The following TMEM232 variants were observed in gnomAD, a reference collection of about 807,000 sequenced individuals.
TMEM232 encodes transmembrane protein 232.
A neutral mutation model predicts 78.8 loss-of-function variants in TMEM232; 80 were observed. The observed-to-expected ratio is 1.01, with a 90% CI of 0.85 to 1.22. The LOEUF (loss-of-function observed/expected upper bound fraction) is 1.22, where lower values mean the gene tolerates loss of function less well. Ranked by LOEUF, TMEM232 falls within the 50% of genes most tolerant of loss-of-function variation. TMEM232 has a pLI of 0.00. For synonymous variants in TMEM232, 297 were observed against 254.3 expected (o/e 1.17, Z -1.60); for missense variants, 881 against 742.2 (o/e 1.19, Z -2.17).
Position 110,516,867 on chromosome 5 carries a change from G to C in TMEM232, c.1703+11721C>G, listed in dbSNP as rs566216870. 1.1e-3 allele frequency among the ~76,000 whole-genome samples: 172 copies of C among 152,250 alleles called. 1 individual carries two copies. Among genetic ancestry groups the C allele is most frequent in the African/African-American group, 4.0e-3 (168 of 41,544 alleles). ...TTTTGGAAAAAATTATGGGTCATAA[G>C]ATGTAGCAGATACTTCATTAACAAG... On this transcript the variant is annotated intron_variant, in intron 12 of 13. Coordinates refer to ENST00000455884, the MANE Select transcript of TMEM232 (RefSeq NM_001039763.4).
intron 12 of TMEM232, among the ~76,000 whole-genome samples, chr5:110,453,859 T>C (rs1295268658): frequency 6.7e-6 from 1 of 149,702 alleles, no homozygotes; most frequent in Non-Finnish European, 1.5e-5. Flanking sequence ...TTATAAGACA[T>C]CAGCACCACA....
intron 2 of TMEM232, among the ~76,000 whole-genome samples, chr5:110,644,317 T>C (rs932474424): frequency 6.6e-6 from 1 of 151,924 alleles, no homozygotes; most frequent in Non-Finnish European, 1.5e-5. Context: ...CTCATTTGTA[T>C]GAAGAGTTTG....
At chr5:110,577,396 G>A (rs1305249953) in intron 10 of TMEM232, among the ~76,000 whole-genome samples, 1 of 152,092 alleles carries the variant, frequency 6.6e-6, no homozygotes. Context: ...AAGTTGTGGA[G>A]GAAAAGAAAT....
intron 5 of TMEM232, among the ~76,000 whole-genome samples, chr5:110,631,963 C>T (rs1785187129): frequency 6.6e-6 from 1 of 151,870 alleles, no homozygotes; most frequent in Admixed American, 6.6e-5. Flanking sequence ...CCTGCTAATA[C>T]CAGAGCAAGT....
chr5:110,426,951 G>C (rs1031742756), intron 12 of TMEM232, among the ~76,000 whole-genome samples: 1 of 151,936 alleles, frequency 6.6e-6, no homozygotes, highest in African/African-American at 2.4e-5. Flanking sequence ...AATTGTTTAA[G>C]TTTTAAAAAA....
At chr5:110,734,951 C>T (rs960176612) in exon 2 of TMEM232, 1 of 152,100 alleles carries the variant, frequency 6.6e-6, no homozygotes, top group African/African-American at 2.4e-5. Context: ...CTTTGGGAGA[C>T]CGAGGTGGGC....
chr5:110,587,683 ATATATATATGTGTG>A (rs1361233480), intron 10 of TMEM232, among the ~76,000 whole-genome samples: 35 of 92,004 alleles, frequency 3.8e-4, no homozygotes, highest in African/African-American at 1.7e-3. Flanking sequence ...ATATATATAT[ATATATATATGTGTG>A]TGTGTGTGTG....
intron 12 of TMEM232, among the ~76,000 whole-genome samples, chr5:110,512,675 T>A (rs941830060): frequency 5.3e-5 from 8 of 152,208 alleles, no homozygotes; most frequent in African/African-American, 1.9e-4. Flanking sequence ...AGTTAATGCA[T>A]GTTTATTAAC....
intron 2 of TMEM232, among the ~76,000 whole-genome samples, chr5:110,662,603 T>C (rs571766043): frequency 6.6e-6 from 1 of 152,110 alleles, no homozygotes; most frequent in East Asian, 1.9e-4. Flanking sequence ...CAAACCATAG[T>C]AATTAAGGCA....
chr5:110,605,339 T>C lies in TMEM232; in HGVS notation c.1046A>G (p.Asp349Gly), dbSNP rs1207735370. The change falls in exon 10 of 14, where the codon GAT becomes GGT. Residue 349 changes from aspartate (D) to glycine (G), a missense_variant. Physicochemically the swap from Asp to Gly is moderately conservative, Grantham distance 94. Coordinates refer to ENST00000455884, the MANE Select transcript of TMEM232 (RefSeq NM_001039763.4). ...TACATTCCAGGCCCAGGAAAAATCA[T>C]CTACCTTGCAACTTTCTTCCTGAAA... ...VQNQEESCKVDDFSWAWNVVY... is the reference protein window; with the variant it reads ...VQNQEESCKVGDFSWAWNVVY... The C allele has an allele frequency of 3.9e-6, 6 of 1,543,748 alleles. No individual in the cohort carries two copies. Among genetic ancestry groups the C allele is most frequent in the Admixed American group, 4.0e-5 (2 of 49,618 alleles).
chr5:110,463,086 G>A (rs1377161205), intron 12 of TMEM232, among the ~76,000 whole-genome samples: 1 of 152,078 alleles, frequency 6.6e-6, no homozygotes, highest in African/African-American at 2.4e-5. Context: ...TTCTACCATG[G>A]GTCAAATGCT....
intron 1 of TMEM232, among the ~76,000 whole-genome samples, chr5:110,721,938 C>T (rs1162029038): frequency 6.6e-6 from 1 of 151,650 alleles, no homozygotes; most frequent in East Asian, 2.0e-4. Context: ...GGTGGCACTG[C>T]CCCTGATAGT....
intron 12 of TMEM232, among the ~76,000 whole-genome samples, chr5:110,447,122 A>AAT (rs566531270): frequency 1.4e-3 from 204 of 150,672 alleles, no homozygotes; most frequent in African/African-American, 4.5e-3. Context: ...TGCATAAATA[A>AAT]ATATATATAT....
chr5:110,646,164 C>T (rs1787449405), intron 2 of TMEM232, among the ~76,000 whole-genome samples: 1 of 151,636 alleles, frequency 6.6e-6, no homozygotes. Flanking sequence ...CCATATTACC[C>T]AAAGAGATCT....
intron 1 of TMEM232, among the ~76,000 whole-genome samples, chr5:110,688,330 A>T (rs1225209827): frequency 1.3e-5 from 2 of 152,218 alleles, no homozygotes; most frequent in East Asian, 3.8e-4. Context: ...ATTTCAGAAG[A>T]CAAAAGTAAA....
intron 12 of TMEM232, among the ~76,000 whole-genome samples, chr5:110,489,899 G>A (rs1764847095): frequency 6.6e-6 from 1 of 152,052 alleles, no homozygotes; most frequent in Admixed American, 6.6e-5. Context: ...GCCGAGGCGG[G>A]CGGATCACAA....
intron 1 of TMEM232, among the ~76,000 whole-genome samples, chr5:110,693,533 G>T (rs1311476402): frequency 1.3e-5 from 2 of 152,130 alleles, no homozygotes; most frequent in African/African-American, 4.8e-5. Flanking sequence ...TCCAACCAAT[G>T]GCAAAGAAGT....
At chr5:110,704,886 G>C (rs1235583709) in intron 1 of TMEM232, among the ~76,000 whole-genome samples, 1 of 152,102 alleles carries the variant, frequency 6.6e-6, no homozygotes, top group African/African-American at 2.4e-5. Flanking sequence ...GACAGCTTCA[G>C]CTAGTGTGCC....
chr5:110,729,218 C>T (rs962557206), upstream of TMEM232, among the ~76,000 whole-genome samples: 4 of 152,106 alleles, frequency 2.6e-5, no homozygotes, highest in East Asian at 5.8e-4. Flanking sequence ...TTTTCCACTG[C>T]TATGTAATCA....
Sources: gnomAD v4.1 joint callset for allele counts (sites outside exome capture counted in the v4.1 genomes callset) on GRCh38, gnomAD v4.1.1 for gene constraint, MANE v1.5 for transcripts, NCBI Gene and HGNC (gene_info 2026-07-23, HGNC 2026-07-21) for gene names.